SVOP: variants seen among roughly 807,000 people sequenced by gnomAD.
SVOP encodes synaptic vesicle 2-related protein.
A neutral mutation model predicts 69.1 loss-of-function variants in SVOP; 17 were observed. That is an observed-to-expected ratio of 0.25 (90% CI 0.17 to 0.37). The LOEUF is 0.37. Among genes scored for constraint, SVOP ranks in the 10% least tolerant of loss-of-function variants. SVOP has a pLI of 1.00. For synonymous variants in SVOP, 238 were observed against 238.6 expected, an observed-to-expected ratio of 1.00 and a Z score of 0.02; for missense variants, 435 against 597.5, an observed-to-expected ratio of 0.73 and a Z score of 2.84.
chr12:109,009,431 C>T (rs1035211471), intron 1 of SVOP, among the ~76,000 whole-genome samples: 4 of 152,132 alleles, frequency 2.6e-5, no homozygotes, highest in African/African-American at 9.7e-5. Flanking sequence ...TACAGGGTGC[C>T]AGCATGACTC....
At chr12:109,009,055 G>A (rs187444826) in intron 1 of SVOP, among the ~76,000 whole-genome samples, 4 of 143,080 alleles carry the variant, frequency 2.8e-5, no homozygotes, top group South Asian at 2.2e-4. Flanking sequence ...TCTGCTTCCC[G>A]GGTTCAAGAG....
rs777780773 is a variant in SVOP at position 108,977,531 on chromosome 12, T to C, written c.283-35A>G. 7 of 1,425,110 alleles carry C rather than the reference T, an allele frequency of 4.9e-6. No homozygotes were observed. In the African/African-American group the frequency reaches 9.9e-5, roughly 20 times the overall value. 88.3% of individuals were successfully genotyped at this position (1,425,110 alleles called of 1,614,324 possible). On this transcript the variant is annotated intron_variant, in intron 3 of 15. Transcript: ENST00000610966. ...GGACGGAGACATCATGAGGCCAGGA[T>C]GCTGCTTGGTGCTGGGGAAGGCTGG...
rs947694278 is a variant in SVOP, at chr12:108,940,796, G to T, written c.756C>A (p.Ala252=). Residue 252 remains alanine (A), a synonymous_variant, in exon 8 of 16, where the codon GCC becomes GCA. Coordinates refer to ENST00000610966, the MANE Select transcript of SVOP (RefSeq NM_018711.5). Reference sequence around the variant, plus strand: ...AAAGGATACCTACGAAACACAGCACGGCAAAGAGGAGGAGCGGGACAGCTG... The same window carrying T: ...AAAGGATACCTACGAAACACAGCACTGCAAAGAGGAGGAGCGGGACAGCTG... ...ILSAVPLLLF[A]VLCFWLPESA... is the part of the protein sequence containing the mutation. 1.2e-5 allele frequency: 18 copies of T among 1,537,158 alleles called. No individual in the cohort carries two copies. Among genetic ancestry groups the T allele is most frequent in the Non-Finnish European group, 1.6e-5 (18 of 1,146,870 alleles).
At chr12:109,020,556 T>C (rs538613885) in intron 1 of SVOP, among the ~76,000 whole-genome samples, 1 of 152,294 alleles carries the variant, frequency 6.6e-6, no homozygotes, top group African/African-American at 2.4e-5. Context: ...GAAAATCCTT[T>C]TAGGATTGAG....
intron 1 of SVOP, among the ~76,000 whole-genome samples, chr12:109,019,725 C>T (rs1043411798): frequency 6.6e-6 from 1 of 151,954 alleles, no homozygotes; most frequent in African/African-American, 2.4e-5. Flanking sequence ...AACTTTAAAG[C>T]AAATTTTAAA....
intron 4 of SVOP, 24 bp from the exon 5 acceptor site, chr12:108,972,500 A>T: frequency 6.5e-7 from 1 of 1,536,380 alleles, no homozygotes; most frequent in East Asian, 2.4e-5. Flanking sequence ...GACAGTTGTC[A>T]TTAGACAGAG....
Position 108,997,463 on chromosome 12 carries a change from C to T in SVOP, c.36-13702G>A, listed in dbSNP as rs908101447. Among the ~76,000 whole-genome samples, 783 of 152,204 alleles carry T rather than the reference C, an allele frequency of 5.1e-3. 6 individuals carry two copies. Among genetic ancestry groups the T allele is most frequent in the Middle Eastern group, 0.014 (4 of 294 alleles). On this transcript the variant is annotated intron_variant, in intron 1 of 15. Transcript: ENST00000610966. ...TCGAACTGGGTGGAGCCCACCACAG[C>T]TCAAGGAGGCCTGCCTGCCTCTGTA...
chr12:108,991,016 C>T (rs2040197404), intron 1 of SVOP, among the ~76,000 whole-genome samples: 1 of 152,198 alleles, frequency 6.6e-6, no homozygotes, highest in South Asian at 2.1e-4. Context: ...TCAACCCCAT[C>T]GTGAAGCAGA....
intron 7 of SVOP, among the ~76,000 whole-genome samples, chr12:108,943,821 GCTCCTCCTC>G (rs367781130): frequency 1.4e-5 from 2 of 147,070 alleles, no homozygotes; most frequent in East Asian, 2.0e-4. Context: ...TCCTCCTCCT[GCTCCTCCTC>G]CTCCTCCTCC....
intron 5 of SVOP, among the ~76,000 whole-genome samples, chr12:108,971,266 T>A (rs2137429840): frequency 6.6e-6 from 1 of 151,804 alleles, no homozygotes; most frequent in African/African-American, 2.4e-5. Flanking sequence ...CTGTCTGTAC[T>A]AAAAATACAA....
chr12:109,020,607 T>A (rs913522937), intron 1 of SVOP, among the ~76,000 whole-genome samples: 1 of 151,946 alleles, frequency 6.6e-6, no homozygotes, highest in African/African-American at 2.4e-5. Flanking sequence ...GGTTCCCCCA[T>A]AAGGTCCTGA....
chr12:108,932,525 C>T (rs67053798), intron 11 of SVOP, among the ~76,000 whole-genome samples: 17,555 of 152,016 alleles, frequency 0.12, 1,450 homozygotes, highest in Admixed American at 0.27. Context: ...GGGTCCTAGG[C>T]GAGCAAACTG....
In SVOP at chr12:108,918,095, G is replaced by C; in HGVS notation, c.1298C>G (p.Ala433Gly). 6.3e-7 allele frequency: 1 copy of C among 1,578,066 alleles called. No homozygotes were observed. The highest frequency in any genetic ancestry group is 8.6e-7 in the Non-Finnish European group (1 of 1,161,610). Reference protein sequence around the residue: ...RNVLTLLLFIARAFISGGFQA... With the variant: ...RNVLTLLLFIGRAFISGGFQA... ...AAAGCCTCCAGAAATAAACGCTCTT[G>C]CAATGAAGAGTAACAGAGTGAGCAC... The change falls in exon 14 of 16, where the codon GCA becomes GGA. Residue 433 changes from alanine to glycine, a missense_variant. By Grantham distance (60) the Ala-to-Gly change is moderately conservative. Coordinates refer to ENST00000610966, the MANE Select transcript of SVOP (RefSeq NM_018711.5).
chr12:108,946,917 A>C (rs2039927183), intron 6 of SVOP, among the ~76,000 whole-genome samples: 1 of 151,726 alleles, frequency 6.6e-6, no homozygotes, highest in Non-Finnish European at 1.5e-5. Flanking sequence ...ACGGGGTTTC[A>C]CCATGTTGCC....
intron 6 of SVOP, among the ~76,000 whole-genome samples, chr12:108,955,677 G>A (rs143046856): frequency 8.5e-5 from 13 of 152,316 alleles, no homozygotes; most frequent in Admixed American, 3.3e-4. Context: ...TCTATCTACA[G>A]TGATACCTTG....
intron 15 of SVOP, among the ~76,000 whole-genome samples, chr12:108,915,172 C>CAA (rs78563087): frequency 1.1e-4 from 13 of 113,960 alleles, no homozygotes; most frequent in African/African-American, 4.3e-4. Flanking sequence ...GACTCCATCC[C>CAA]AAAAAAAAAA....
rs769800807 is a variant in SVOP at position 108,938,968 on chromosome 12, A to T, written c.769-13T>A. ...TTTCAGGCAGCCACTGGGATGGGGGAGACAGGAAACCCAGGCGTGGCTGGT... is the reference window on the plus strand; with the variant it reads ...TTTCAGGCAGCCACTGGGATGGGGGTGACAGGAAACCCAGGCGTGGCTGGT... On this transcript the variant is annotated splice_polypyrimidine_tract_variant and intron_variant, in intron 8 of 15. Coordinates refer to ENST00000610966, the MANE Select transcript of SVOP (RefSeq NM_018711.5). 6.2e-7 allele frequency: 1 copy of T among 1,613,794 alleles called. No homozygotes were observed.
In SVOP at chr12:108,959,456, C is replaced by T. The variant is rs539548369; in HGVS notation, c.578+1467G>A. 6.0e-5 allele frequency among the ~76,000 whole-genome samples: 9 copies of T among 150,856 alleles called. No individual in the cohort carries two copies. The South Asian group carries it at 6.3e-4, about 11-fold the overall frequency. ...GCAACCTCTGCCTCCCAGGTTCAAG[C>T]GATTCTCCTGCCTTAGCCTCCCAAG... is the stretch of plus-strand genomic sequence containing the variant. On this transcript the variant is annotated intron_variant, in intron 6 of 15. Transcript: ENST00000610966.
intron 1 of SVOP, among the ~76,000 whole-genome samples, chr12:108,989,524 G>T (rs985520281): frequency 6.6e-6 from 1 of 152,170 alleles, no homozygotes; most frequent in African/African-American, 2.4e-5. Context: ...TGTGAATCGT[G>T]ACACTGAGAG....
Sources: allele counts gnomAD v4.1 joint callset (sites outside exome capture counted in the v4.1 genomes callset), GRCh38; gene constraint gnomAD v4.1.1; transcripts MANE v1.5; gene names NCBI Gene and HGNC (gene_info 2026-07-23, HGNC 2026-07-21).